DSCAM: variants seen among roughly 807,000 people sequenced by gnomAD.
DSCAM encodes the protein DS cell adhesion molecule.
DSCAM carries 47 observed loss-of-function variants against 217.7 expected under a neutral mutation model. The ratio of observed to expected loss-of-function variants is 0.22; its 90% confidence interval spans 0.17 to 0.28. The LOEUF is 0.28. DSCAM is among the 10% of genes least tolerant of loss of function. The pLI is 1.00. For missense variants in DSCAM, 2,080 were observed against 2,618.3 expected (o/e 0.79, Z 4.49); for synonymous variants, 1,056 against 1,015.3 (o/e 1.04, Z -0.76).
chr21:40,773,020 A>T (rs955475003), intron 1 of DSCAM, among the ~76,000 whole-genome samples: 9 of 152,190 alleles, frequency 5.9e-5, no homozygotes, highest in African/African-American at 2.2e-4. Context: ...CCACAGGTGG[A>T]TCATATCCCT....
At chr21:40,744,038 T>A (rs1488692868) in intron 1 of DSCAM, among the ~76,000 whole-genome samples, 2 of 152,174 alleles carry the variant, frequency 1.3e-5, no homozygotes, top group Admixed American at 1.3e-4. Flanking sequence ...AAAATGGTCA[T>A]TTCAGACTGT....
chr21:40,803,497 T>C (rs2837829), intron 1 of DSCAM, among the ~76,000 whole-genome samples: 68,392 of 152,008 alleles, frequency 0.45, 17,275 homozygotes, highest in South Asian at 0.65. Context: ...GTCTGATCAA[T>C]CGTGTGATGT....
intron 18 of DSCAM, among the ~76,000 whole-genome samples, chr21:40,140,151 T>A (rs2090271796): frequency 6.6e-6 from 1 of 152,098 alleles, no homozygotes; most frequent in African/African-American, 2.4e-5. Flanking sequence ...CTGACCTGCC[T>A]CATAAACGAA....
intron 3 of DSCAM, among the ~76,000 whole-genome samples, chr21:40,579,748 GTTA>G (rs972594462): frequency 6.6e-6 from 1 of 152,150 alleles, no homozygotes; most frequent in Non-Finnish European, 1.5e-5. Flanking sequence ...CTCCATTTAT[GTTA>G]TTAGTCAAAA....
chr21:40,288,837 T>C (rs2073858032), intron 10 of DSCAM, among the ~76,000 whole-genome samples: 1 of 152,162 alleles, frequency 6.6e-6, no homozygotes, highest in African/African-American at 2.4e-5. Flanking sequence ...CCTTATTTTA[T>C]CTGTTTCAGC....
Position 40,525,548 on chromosome 21 carries a change from G to A in DSCAM, c.509-156303C>T, listed in dbSNP as rs143507982. 3.3e-3 allele frequency among the ~76,000 whole-genome samples: 506 copies of A among 152,334 alleles called. 4 individuals carry two copies. Among genetic ancestry groups the A allele is most frequent in the African/African-American group, 0.012 (485 of 41,568 alleles). On this transcript the variant is annotated intron_variant, in intron 3 of 32. Transcript: ENST00000400454. ...TTATACATTGCTGATAAACACTTCC[G>A]TGAATGTATCAAATGATTTGCTAAG...
Position 40,597,176 on chromosome 21 carries a change from G to A in DSCAM, c.508+95634C>T, listed in dbSNP as rs186026573. 1.8e-4 allele frequency among the ~76,000 whole-genome samples: 28 copies of A among 152,194 alleles called. No homozygotes were observed. In the South Asian group the frequency reaches 3.5e-3, roughly 19 times the overall value. The stretch of plus-strand genomic sequence containing the variant: ...CACAACATAATGCATATATTTAGCC[G>A]TTATTTCTAAGCCAGGTTGGCTATT... On this transcript the variant is annotated intron_variant, in intron 3 of 32. Transcript: ENST00000400454.
intron 8 of DSCAM, among the ~76,000 whole-genome samples, chr21:40,319,728 C>G (rs2074239429): frequency 6.6e-6 from 1 of 152,130 alleles, no homozygotes; most frequent in African/African-American, 2.4e-5. Context: ...CACAGCCTTG[C>G]CAACACTTGT....
At chr21:40,054,302 T>G (rs1050070824) in intron 29 of DSCAM, among the ~76,000 whole-genome samples, 2 of 152,226 alleles carry the variant, frequency 1.3e-5, no homozygotes, top group Non-Finnish European at 2.9e-5. Flanking sequence ...AGTGTTTCAC[T>G]GAAGTTAGCT....
At chr21:40,242,952 A>G (rs1204306469) in intron 11 of DSCAM, among the ~76,000 whole-genome samples, 1 of 152,138 alleles carries the variant, frequency 6.6e-6, no homozygotes, top group Non-Finnish European at 1.5e-5. Context: ...TTCTCTCAAC[A>G]ACTTCTGTCC....
At chr21:40,442,692 A>G (rs1444157161) in intron 3 of DSCAM, among the ~76,000 whole-genome samples, 2 of 151,950 alleles carry the variant, frequency 1.3e-5, no homozygotes, top group Non-Finnish European at 2.9e-5. Context: ...TTGTATTTTC[A>G]GTAAAGACGG....
At chr21:40,402,073 T>TTTG in intron 3 of DSCAM, among the ~76,000 whole-genome samples, 1 of 134,594 alleles carries the variant, frequency 7.4e-6, no homozygotes, top group South Asian at 2.6e-4. Flanking sequence ...TTTTTTTTTT[T>TTTG]TTTTGAGACA....
chr21:40,574,356 G>C (rs1336345731), intron 3 of DSCAM, among the ~76,000 whole-genome samples: 1 of 151,886 alleles, frequency 6.6e-6, no homozygotes, highest in Non-Finnish European at 1.5e-5. Context: ...TTCATTAACA[G>C]ATTAAAGAAG....
At chr21:40,585,985 T>C (rs1398584638) in intron 3 of DSCAM, among the ~76,000 whole-genome samples, 1 of 152,188 alleles carries the variant, frequency 6.6e-6, no homozygotes, top group African/African-American at 2.4e-5. Context: ...GTCTCCTGCG[T>C]AGCTGGGATT....
At chr21:40,833,351 G>T (rs1021842494) in intron 1 of DSCAM, among the ~76,000 whole-genome samples, 2 of 152,164 alleles carry the variant, frequency 1.3e-5, no homozygotes, top group Non-Finnish European at 2.9e-5. Context: ...GCAACAAAGA[G>T]AATTTGCAGT....
At chr21:40,641,233 T>C (rs1250421092) in intron 3 of DSCAM, among the ~76,000 whole-genome samples, 1 of 151,950 alleles carries the variant, frequency 6.6e-6, no homozygotes, top group Non-Finnish European at 1.5e-5. Flanking sequence ...AGCAAGCTGC[T>C]CTAGAATGTT....
At chr21:40,523,171 G>A (rs1221295898) in intron 3 of DSCAM, among the ~76,000 whole-genome samples, 2 of 152,168 alleles carry the variant, frequency 1.3e-5, no homozygotes, top group African/African-American at 4.8e-5. Flanking sequence ...GAAGCGGGCA[G>A]GGAAGTGTTG....
chr21:40,545,307 G>T (rs1601731581), intron 3 of DSCAM, among the ~76,000 whole-genome samples: 1 of 152,176 alleles, frequency 6.6e-6, no homozygotes. Context: ...TTCTGTGACA[G>T]CAGCCTGAGT....
intron 11 of DSCAM, among the ~76,000 whole-genome samples, chr21:40,272,075 A>G (rs1178051130): frequency 6.9e-6 from 1 of 145,334 alleles, no homozygotes; most frequent in African/African-American, 2.5e-5. Flanking sequence ...TGACAGAGCT[A>G]TTTTTTTTTT....
Sources: allele counts gnomAD v4.1 joint callset (sites outside exome capture counted in the v4.1 genomes callset), GRCh38; gene constraint gnomAD v4.1.1; transcripts MANE v1.5; gene names NCBI Gene and HGNC (gene_info 2026-07-23, HGNC 2026-07-21).